Variants in ANKRD31 observed in about 807,000 individuals in gnomAD.
The protein encoded by ANKRD31 is ankyrin repeat domain 31.
In ANKRD31, 147 loss-of-function variants were observed where a neutral mutation model predicts 186.0. That is an observed-to-expected ratio of 0.79 (90% CI 0.69 to 0.91). The LOEUF (loss-of-function observed/expected upper bound fraction) is 0.91, where lower values mean the gene tolerates loss of function less well. Among genes scored for constraint, ANKRD31 ranks in the 40% least tolerant of loss-of-function variants. The probability of loss-of-function intolerance (pLI) is 0.00; values close to 1 mark genes in which losing one functional copy is unlikely to be tolerated. For synonymous variants in ANKRD31, 673 were observed against 736.4 expected, an observed-to-expected ratio of 0.91 and a Z score of 1.39; for missense variants, 1,986 against 2,148.8, an observed-to-expected ratio of 0.92 and a Z score of 1.50.
In ANKRD31 at chr5:75,104,521, T is replaced by A; in HGVS notation, c.5038A>T (p.Ser1680Cys). 1 of 1,537,106 alleles carries A rather than the reference T, an allele frequency of 6.5e-7. No homozygotes were observed. Among genetic ancestry groups the A allele is most frequent in the Non-Finnish European group, 8.7e-7 (1 of 1,146,872 alleles). Residue 1680 changes from serine to cysteine, a missense_variant, in exon 22 of 26, where the codon AGT becomes TGT. Transcript: ENST00000506364. The part of the protein sequence containing the change: ...YDPKRGNRKT[S>C]SQQSPTGASE... ...GCCCCTGTAGGTGATTGCTGGGAAC[T>A]TGTTTTTCTGTTTCCTCTTTTGGGA...
intron 12 of ANKRD31, among the ~76,000 whole-genome samples, chr5:75,149,786 ATTG>A (rs1751725996): frequency 6.6e-6 from 1 of 151,856 alleles, no homozygotes; most frequent in African/African-American, 2.4e-5. Context: ...CTCCATTATT[ATTG>A]TTATTATTAT....
chr5:75,179,322 C>G (rs1309642789), intron 10 of ANKRD31, among the ~76,000 whole-genome samples: 1 of 152,146 alleles, frequency 6.6e-6, no homozygotes, highest in Non-Finnish European at 1.5e-5. Flanking sequence ...GGAGCTGGTA[C>G]CATTCCTTCT....
At chr5:75,155,187 T>C (rs187576285) in intron 11 of ANKRD31, among the ~76,000 whole-genome samples, 30 of 152,148 alleles carry the variant, frequency 2.0e-4, no homozygotes, top group Middle Eastern at 6.8e-3. Flanking sequence ...CCTCTACCCC[T>C]GTTCTATTAT....
At chr5:75,177,715 A>C (rs1406168437) in intron 10 of ANKRD31, among the ~76,000 whole-genome samples, 2 of 152,166 alleles carry the variant, frequency 1.3e-5, no homozygotes, top group Non-Finnish European at 2.9e-5. Context: ...GCCTGCCCTA[A>C]AAGAGCTCCT....
At chr5:75,118,665 G>A (rs909143556) in intron 17 of ANKRD31, among the ~76,000 whole-genome samples, 5 of 152,126 alleles carry the variant, frequency 3.3e-5, no homozygotes, top group Non-Finnish European at 7.4e-5. Context: ...TGGCTTTTGA[G>A]CATTTGAAAT....
At chr5:75,103,287 AACCACAATGAGAT>A (rs1446144525) in intron 22 of ANKRD31, among the ~76,000 whole-genome samples, 3 of 152,220 alleles carry the variant, frequency 2.0e-5, no homozygotes, top group Non-Finnish European at 4.4e-5. Context: ...TGCAAATCAA[AACCACAATGAGAT>A]ACCCTCTCAC....
chr5:75,163,083 C>A (rs998739405), intron 11 of ANKRD31, among the ~76,000 whole-genome samples: 2 of 152,066 alleles, frequency 1.3e-5, no homozygotes, highest in Non-Finnish European at 2.9e-5. Context: ...AACAATGAAA[C>A]TACTAACGAT....
At chr5:75,222,847 T>C (rs1336602730) in intron 2 of ANKRD31, among the ~76,000 whole-genome samples, 1 of 152,224 alleles carries the variant, frequency 6.6e-6, no homozygotes, top group Non-Finnish European at 1.5e-5. Context: ...TATCCATTGA[T>C]AGGCATTTGG....
chr5:75,236,802 C>T lies in ANKRD31; in HGVS notation c.-116G>A. 1.1e-6 allele frequency: 1 copy of T among 880,178 alleles called. No individual in the cohort carries two copies. 54.5% of individuals were successfully genotyped at this position (880,178 alleles called of 1,614,324 possible). ...GAATTAAAAATAAAAATAATATAATCGCAGCAGGAGCCGGGACTTGTCGCA... is the reference window on the plus strand; with the variant it reads ...GAATTAAAAATAAAAATAATATAATTGCAGCAGGAGCCGGGACTTGTCGCA... On this transcript the variant is annotated 5_prime_UTR_variant, in exon 1 of 26. Coordinates refer to ENST00000506364, the MANE Select transcript of ANKRD31 (RefSeq NM_001372053.1).
intron 10 of ANKRD31, among the ~76,000 whole-genome samples, chr5:75,177,476 C>A (rs1364857122): frequency 6.6e-6 from 1 of 152,066 alleles, no homozygotes; most frequent in African/African-American, 2.4e-5. Context: ...TTAAGGGCAG[C>A]CACAGAGAAA....
intron 11 of ANKRD31, among the ~76,000 whole-genome samples, chr5:75,161,534 A>G (rs1399062149): frequency 1.3e-5 from 2 of 152,182 alleles, no homozygotes; most frequent in African/African-American, 4.8e-5. Flanking sequence ...AGAAAATCCC[A>G]TTTTCTGAGG....
chr5:75,140,335 A>AAGGAAGGAAGGT (rs1750960702), intron 15 of ANKRD31, among the ~76,000 whole-genome samples: 2 of 138,446 alleles, frequency 1.4e-5, no homozygotes, highest in Non-Finnish European at 3.1e-5. Flanking sequence ...GGAAGGTAGG[A>AAGGAAGGAAGGT]AGGAAGGAAG....
At chr5:75,121,619 A>G (rs558822649) in intron 17 of ANKRD31, among the ~76,000 whole-genome samples, 1 of 152,316 alleles carries the variant, frequency 6.6e-6, no homozygotes, top group East Asian at 1.9e-4. Flanking sequence ...TTTTCTCAGA[A>G]CACAATGGAA....
chr5:75,181,646 A>G (rs1249557333), intron 10 of ANKRD31, among the ~76,000 whole-genome samples: 3 of 149,400 alleles, frequency 2.0e-5, no homozygotes, highest in Admixed American at 6.7e-5. Context: ...AAAAAACCAA[A>G]CACCGCATGT....
At position 75,193,559 on chromosome 5, in the gene ANKRD31, T is replaced by C; in HGVS notation, c.1050A>G (p.Gln350=). 1 of 1,536,634 alleles carries C rather than the reference T, an allele frequency of 6.5e-7. No individual in the cohort carries two copies. The highest frequency in any genetic ancestry group is 1.2e-5 in the South Asian group (1 of 84,018). The change falls in exon 8 of 26, where the codon CAA becomes CAG. Residue 350 remains glutamine (Q), a synonymous_variant. Coordinates refer to ENST00000506364, the MANE Select transcript of ANKRD31 (RefSeq NM_001372053.1). ...TLQDPNPSGL[Q]TLAHQNITSC... ...AAGTGATATTTTGATGAGCCAAAGT[T>C]TGCAATCCAGATGGATTTGGGTCTT...
At chr5:75,135,538 C>A (rs1295842122) in intron 17 of ANKRD31, among the ~76,000 whole-genome samples, 1 of 152,152 alleles carries the variant, frequency 6.6e-6, no homozygotes, top group East Asian at 1.9e-4. Context: ...AATGGAAGAA[C>A]ATTCCATGCT....
chr5:75,127,804 T>C (rs1204243589), intron 17 of ANKRD31, among the ~76,000 whole-genome samples: 7 of 152,210 alleles, frequency 4.6e-5, no homozygotes, highest in African/African-American at 1.7e-4. Context: ...CTTTAATTAC[T>C]CTCAGCAATG....
intron 11 of ANKRD31, among the ~76,000 whole-genome samples, chr5:75,165,421 TA>T (rs893750427): frequency 1.7e-4 from 26 of 152,088 alleles, no homozygotes; most frequent in Non-Finnish European, 3.1e-4. Context: ...ATAATTCAAT[TA>T]CTGTATTAAG....
chr5:75,227,811 A>T (rs929465485), intron 2 of ANKRD31, among the ~76,000 whole-genome samples: 1 of 152,220 alleles, frequency 6.6e-6, no homozygotes, highest in African/African-American at 2.4e-5. Flanking sequence ...GCAGCAGGCA[A>T]GCCAGCATTA....
Sources: gnomAD v4.1 joint callset for allele counts (sites outside exome capture counted in the v4.1 genomes callset) on GRCh38, gnomAD v4.1.1 for gene constraint, MANE v1.5 for transcripts, NCBI Gene and HGNC (gene_info 2026-07-23, HGNC 2026-07-21) for gene names.